C8orf34: variants seen among roughly 807,000 people sequenced by gnomAD.
The protein encoded by C8orf34 is chromosome 8 open reading frame 34.
C8orf34 carries 65 observed loss-of-function variants against 68.3 expected under a neutral mutation model. The ratio of observed to expected loss-of-function variants is 0.95; its 90% confidence interval spans 0.78 to 1.17. C8orf34 has a LOEUF of 1.17. Among genes scored for constraint, C8orf34 ranks in the 50% most tolerant of loss-of-function variants. The probability of loss-of-function intolerance (pLI) is 0.00; values close to 1 mark genes in which losing one functional copy is unlikely to be tolerated. For missense variants in C8orf34, 664 were observed against 655.4 expected, an observed-to-expected ratio of 1.01 and a Z score of -0.14; for synonymous variants, 244 against 241.2, an observed-to-expected ratio of 1.01 and a Z score of -0.11.
intron 1 of C8orf34, among the ~76,000 whole-genome samples, chr8:68,350,117 G>A (rs1040143233): frequency 1.4e-4 from 21 of 151,628 alleles, no homozygotes; most frequent in South Asian, 4.2e-4. Context: ...TATGAATTTC[G>A]CTCTTAATAC....
chr8:68,457,229 T>G (rs755180592), intron 3 of C8orf34, among the ~76,000 whole-genome samples: 6 of 152,080 alleles, frequency 3.9e-5, no homozygotes, highest in African/African-American at 1.4e-4. Context: ...AGAGTATATA[T>G]GTACATATAT....
At chr8:68,785,686 T>A (rs139961681) in intron 11 of C8orf34, among the ~76,000 whole-genome samples, 2 of 152,234 alleles carry the variant, frequency 1.3e-5, no homozygotes, top group Admixed American at 1.3e-4. Context: ...AACTTCCTAA[T>A]TGATTTTTTT....
Position 68,464,453 on chromosome 8 carries a change from A to C in C8orf34, c.608-4239A>C, listed in dbSNP as rs1364916485. On this transcript the variant is annotated intron_variant, in intron 3 of 13. Transcript: ENST00000518698. ...TCACAGAATTGGAAAAAACTACTTT[A>C]AAGTTCATATGGAACCAAAAAAGAG... Among the ~76,000 whole-genome samples, 12 of 151,816 alleles carry C rather than the reference A, an allele frequency of 7.9e-5. No individual in the cohort carries two copies. The South Asian group carries it at 2.5e-3, about 32-fold the overall frequency.
At chr8:68,779,180 AACACACACACACACACACACACAC>A (rs10550333) in intron 11 of C8orf34, among the ~76,000 whole-genome samples, 23 of 139,246 alleles carry the variant, frequency 1.7e-4, no homozygotes, top group African/African-American at 4.5e-4. Flanking sequence ...CTGTCTCTGA[AACACACACACACACACACACACAC>A]ACACACACAC....
At chr8:68,394,738 T>C (rs1808620720) in intron 1 of C8orf34, among the ~76,000 whole-genome samples, 1 of 152,140 alleles carries the variant, frequency 6.6e-6, no homozygotes, top group Non-Finnish European at 1.5e-5. Flanking sequence ...CGTAATTTAG[T>C]ACTAAAAATA....
chr8:68,477,689 T>TC (rs1196704895), intron 4 of C8orf34, among the ~76,000 whole-genome samples: 1 of 151,776 alleles, frequency 6.6e-6, no homozygotes, highest in Non-Finnish European at 1.5e-5. Context: ...CCATGAGGGC[T>TC]CCACCCGTGT....
chr8:68,459,287 T>C (rs1380720404), intron 3 of C8orf34, among the ~76,000 whole-genome samples: 1 of 152,168 alleles, frequency 6.6e-6, no homozygotes, highest in Non-Finnish European at 1.5e-5. Flanking sequence ...TGGAGTGCAG[T>C]GGCATGGTCT....
intron 3 of C8orf34, among the ~76,000 whole-genome samples, chr8:68,465,814 G>T (rs995164245): frequency 6.6e-6 from 1 of 151,692 alleles, no homozygotes; most frequent in African/African-American, 2.4e-5. Context: ...GGTGGGGGCA[G>T]GGGGGAGGGA....
chr8:68,816,233 A>C (rs185532227), intron 13 of C8orf34, among the ~76,000 whole-genome samples: 1 of 151,814 alleles, frequency 6.6e-6, no homozygotes, highest in East Asian at 1.9e-4. Context: ...TGGGGATTTT[A>C]AACCCTTTCT....
intron 1 of C8orf34, among the ~76,000 whole-genome samples, chr8:68,422,632 G>T (rs1006862903): frequency 2.1e-4 from 32 of 152,182 alleles, no homozygotes; most frequent in African/African-American, 7.0e-4. Flanking sequence ...ACCATTCTGG[G>T]GTCTGGTGGA....
At chr8:68,404,687 A>T (rs1331668873) in intron 1 of C8orf34, among the ~76,000 whole-genome samples, 3 of 152,058 alleles carry the variant, frequency 2.0e-5, no homozygotes, top group African/African-American at 7.3e-5. Flanking sequence ...ATTGTTGTAG[A>T]TGTGTGGCAT....
At chr8:68,811,798 A>G (rs1326207274) in intron 12 of C8orf34, among the ~76,000 whole-genome samples, 1 of 152,342 alleles carries the variant, frequency 6.6e-6, no homozygotes, top group East Asian at 1.9e-4. Flanking sequence ...AATCCCTGTG[A>G]CAATGTATTG....
chr8:68,574,019 A>G (rs1816829832), intron 7 of C8orf34, among the ~76,000 whole-genome samples: 2 of 152,314 alleles, frequency 1.3e-5, no homozygotes, highest in South Asian at 4.1e-4. Flanking sequence ...TAAGAAACTG[A>G]TTTAAACTTT....
At chr8:68,594,441 A>AT (rs1487807311) in intron 7 of C8orf34, among the ~76,000 whole-genome samples, 3 of 151,914 alleles carry the variant, frequency 2.0e-5, no homozygotes, top group Non-Finnish European at 4.4e-5. Flanking sequence ...AAAAATATGT[A>AT]TTTTTACTCC....
intron 1 of C8orf34, among the ~76,000 whole-genome samples, chr8:68,411,458 T>G (rs1809439691): frequency 6.6e-6 from 1 of 152,218 alleles, no homozygotes. Flanking sequence ...ATCTTGTGGT[T>G]TACTAGCTGC....
intron 3 of C8orf34, among the ~76,000 whole-genome samples, chr8:68,462,654 A>T (rs544917492): frequency 6.6e-6 from 1 of 152,148 alleles, no homozygotes; most frequent in Non-Finnish European, 1.5e-5. Context: ...AAACCACTCA[A>T]CTACATGGAA....
At chr8:68,571,778 G>A (rs1454508742) in intron 7 of C8orf34, among the ~76,000 whole-genome samples, 1 of 152,156 alleles carries the variant, frequency 6.6e-6, no homozygotes, top group Non-Finnish European at 1.5e-5. Flanking sequence ...ATTGATTTCA[G>A]AATATGAACA....
At chr8:68,688,584 C>T (rs1285962649) in intron 8 of C8orf34, among the ~76,000 whole-genome samples, 1 of 152,058 alleles carries the variant, frequency 6.6e-6, no homozygotes, top group Non-Finnish European at 1.5e-5. Context: ...GGAACCAACC[C>T]AAATGCTCGT....
intron 9 of C8orf34, among the ~76,000 whole-genome samples, chr8:68,720,200 T>C (rs186535340): frequency 6.6e-6 from 1 of 152,100 alleles, no homozygotes; most frequent in East Asian, 1.9e-4. Context: ...GAAGTCAGTT[T>C]TATGGTGGAA....
Sources: gnomAD v4.1 joint callset for allele counts (sites outside exome capture counted in the v4.1 genomes callset) on GRCh38, gnomAD v4.1.1 for gene constraint, MANE v1.5 for transcripts, NCBI Gene and HGNC (gene_info 2026-07-23, HGNC 2026-07-21) for gene names.